Variants in MOXD1 observed in about 807,000 individuals in gnomAD.
MOXD1 encodes monooxygenase DBH like 1.
In MOXD1, 62 loss-of-function variants were observed where a neutral mutation model predicts 66.6. The observed-to-expected ratio is 0.93, with a 90% CI of 0.76 to 1.15. The LOEUF is 1.15. Among genes scored for constraint, MOXD1 ranks in the 50% most tolerant of loss-of-function variants. The probability of loss-of-function intolerance (pLI) is 0.00; values close to 1 mark genes in which losing one functional copy is unlikely to be tolerated. For missense variants in MOXD1, 847 were observed against 754.6 expected, an observed-to-expected ratio of 1.12 and a Z score of -1.44; for synonymous variants, 303 against 281.9, an observed-to-expected ratio of 1.07 and a Z score of -0.75.
chr6:132,297,201 A>T lies in MOXD1; in HGVS notation c.1794T>A (p.Leu598=). The part of the protein sequence containing the change: ...SLHRDFSINL[L]VCLLLLSCTL... ...TGCAGCTGAGTAGCAGAAGGCAAAC[A>T]AGCAAGTTGATGGAGAAATCTCTGT... Residue 598 remains leucine, a synonymous_variant, in exon 12 of 12, where the codon CTT becomes CTA. Coordinates refer to ENST00000367963, the MANE Select transcript of MOXD1 (RefSeq NM_015529.4). The T allele has an allele frequency of 6.2e-7, 1 of 1,613,624 alleles. No homozygotes were observed. Among genetic ancestry groups the T allele is most frequent in the Non-Finnish European group, 8.5e-7 (1 of 1,179,680 alleles).
At chr6:132,395,128 G>C (rs1008403323) in intron 1 of MOXD1, among the ~76,000 whole-genome samples, 3 of 152,060 alleles carry the variant, frequency 2.0e-5, no homozygotes, top group African/African-American at 7.2e-5. Context: ...TATAGACTAG[G>C]AAAGAATGGG....
chr6:132,299,926 C>A (rs1193563084), intron 10 of MOXD1, among the ~76,000 whole-genome samples: 1 of 151,776 alleles, frequency 6.6e-6, no homozygotes, highest in Non-Finnish European at 1.5e-5. Flanking sequence ...ACATACATAA[C>A]CCACTCAGGC....
Position 132,297,283 on chromosome 6 carries a change from T to C in MOXD1, c.1712A>G (p.Glu571Gly). ...CAAAGGTTCTGCTTTATAGGGTCTT[T>C]CTATATCTGGAGGTAATGCTGTCAT... ...QGMTALPPDI[E>G]RPYKAEPLVC... The change falls in exon 12 of 12, where the codon GAA (glutamate) becomes GGA (glycine). Residue 571 changes from glutamate (E) to glycine (G), a missense_variant. By Grantham distance (98) the Glu-to-Gly change is moderately conservative. Transcript: ENST00000367963. 6.2e-7 allele frequency: 1 copy of C among 1,613,360 alleles called. No homozygotes were observed. Among genetic ancestry groups the C allele is most frequent in the Non-Finnish European group, 8.5e-7 (1 of 1,179,548 alleles).
At chr6:132,337,819 C>T (rs537396308) in intron 4 of MOXD1, among the ~76,000 whole-genome samples, 3 of 152,248 alleles carry the variant, frequency 2.0e-5, no homozygotes, top group East Asian at 3.9e-4. Flanking sequence ...TTATCAATTA[C>T]TTGAGATATT....
At chr6:132,327,955 A>C in intron 6 of MOXD1, 58 bp downstream of exon 6, 1 of 1,387,770 alleles carries the variant, frequency 7.2e-7, no homozygotes, top group Non-Finnish European at 1.0e-6. Context: ...TTAAAGACTT[A>C]CAAGGTACAA....
chr6:132,340,634 A>G (rs1234330099), intron 4 of MOXD1, among the ~76,000 whole-genome samples: 2 of 128,830 alleles, frequency 1.6e-5, no homozygotes, highest in African/African-American at 3.4e-5. Flanking sequence ...AAACAACAAG[A>G]CTCATTTTTT....
At chr6:132,320,565 C>G (rs1486274439) in intron 9 of MOXD1, 64 bp downstream of exon 9, 1 of 1,376,480 alleles carries the variant, frequency 7.3e-7, no homozygotes, top group Non-Finnish European at 9.9e-7. Context: ...CCTTTTTCTT[C>G]TAAAATCAAG....
intron 1 of MOXD1, among the ~76,000 whole-genome samples, chr6:132,385,490 TTATTATTATTA>T (rs1776610393): frequency 2.0e-5 from 3 of 147,706 alleles, no homozygotes; most frequent in Admixed American, 1.4e-4. Context: ...ATTATTATTA[TTATTATTATTA>T]GAGACACAGT....
chr6:132,395,883 C>G (rs1194298080), intron 1 of MOXD1, among the ~76,000 whole-genome samples: 3 of 152,106 alleles, frequency 2.0e-5, no homozygotes, highest in Non-Finnish European at 2.9e-5. Flanking sequence ...CCAAAACACC[C>G]AGATCTATAA....
intron 10 of MOXD1, 55 bp downstream of exon 10, chr6:132,315,580 A>G: frequency 6.5e-7 from 1 of 1,535,104 alleles, no homozygotes; most frequent in Non-Finnish European, 8.8e-7. Context: ...ATGACAATAA[A>G]GCCCATCTTT....
At chr6:132,339,413 T>C (rs1449635542) in intron 4 of MOXD1, among the ~76,000 whole-genome samples, 1 of 152,226 alleles carries the variant, frequency 6.6e-6, no homozygotes, top group African/African-American at 2.4e-5. Flanking sequence ...CTACATACTA[T>C]GTGCTCTTCG....
chr6:132,385,397 T>C (rs1280702188), intron 1 of MOXD1, among the ~76,000 whole-genome samples: 1 of 151,762 alleles, frequency 6.6e-6, no homozygotes, highest in East Asian at 1.9e-4. Context: ...TTTCCCTCTT[T>C]TAATTATTTT....
chr6:132,369,250 C>T (rs9388986), intron 4 of MOXD1, among the ~76,000 whole-genome samples: 42,300 of 151,864 alleles, frequency 0.28, 6,953 homozygotes, highest in East Asian at 0.67. Flanking sequence ...AGGCTCAATG[C>T]TTTCTAGTGC....
chr6:132,345,753 T>C (rs575312392), intron 4 of MOXD1, among the ~76,000 whole-genome samples: 6 of 152,300 alleles, frequency 3.9e-5, no homozygotes, highest in East Asian at 3.9e-4. Context: ...CAACGGAGTT[T>C]TCTTCTGTAA....
At chr6:132,374,388 A>G (rs765159692) in intron 2 of MOXD1, among the ~76,000 whole-genome samples, 1 of 152,140 alleles carries the variant, frequency 6.6e-6, no homozygotes, top group Non-Finnish European at 1.5e-5. Context: ...CAAATTTTAA[A>G]GGGATCTTCA....
intron 10 of MOXD1, among the ~76,000 whole-genome samples, chr6:132,308,497 G>A (rs756256161): frequency 2.0e-5 from 3 of 152,068 alleles, no homozygotes; most frequent in Non-Finnish European, 4.4e-5. Context: ...TGAAAAAGAG[G>A]GACTCCTCCC....
At chr6:132,352,940 C>T (rs532548538) in intron 4 of MOXD1, among the ~76,000 whole-genome samples, 1 of 152,168 alleles carries the variant, frequency 6.6e-6, no homozygotes, top group South Asian at 2.1e-4. Flanking sequence ...TCTGTTTTGT[C>T]TGATGTAAGA....
chr6:132,301,880 G>C (rs150414318), intron 10 of MOXD1, among the ~76,000 whole-genome samples: 27 of 152,170 alleles, frequency 1.8e-4, no homozygotes, highest in African/African-American at 5.8e-4. Context: ...AACAAATAAG[G>C]TGTTTGAATA....
chr6:132,349,424 T>TATATATATAC lies in MOXD1; in HGVS notation c.664-20831_664-20830insGTATATATAT, dbSNP rs1562289947. Reference sequence around the variant, plus strand: ...ATATATACATATATATATATATACATATATATATATACATATATATATATA... The same window carrying TATATATATAC: ...ATATATACATATATATATATATACATATATATATACATATATATATACATATATATATATA... On this transcript the variant is annotated intron_variant, in intron 4 of 11. Transcript: ENST00000367963. Among the ~76,000 whole-genome samples the TATATATATAC allele has an allele frequency of 3.1e-4, 7 of 22,328 alleles. 1 individual carries two copies. Among genetic ancestry groups the TATATATATAC allele is most frequent in the African/African-American group, 1.8e-3 (6 of 3,318 alleles). 14.6% of individuals were successfully genotyped at this position (22,328 alleles called of 152,430 possible).
Sources: allele counts gnomAD v4.1 joint callset (sites outside exome capture counted in the v4.1 genomes callset), GRCh38; gene constraint gnomAD v4.1.1; transcripts MANE v1.5; gene names NCBI Gene and HGNC (gene_info 2026-07-23, HGNC 2026-07-21).